NUBP1: variants seen among roughly 807,000 people sequenced by gnomAD.
NUBP1 encodes NUBP iron-sulfur cluster assembly factor 1, cytosolic, also known as cytosolic Fe-S cluster assembly factor NUBP1.
A neutral mutation model predicts 41.8 loss-of-function variants in NUBP1; 46 were observed. The ratio of observed to expected loss-of-function variants is 1.10; its 90% CI spans 0.87 to 1.41. The LOEUF is 1.41. Among genes scored for constraint, NUBP1 ranks in the 40% most tolerant of loss-of-function variants. The pLI is 0.00. For synonymous variants in NUBP1, 189 were observed against 154.6 expected, an observed-to-expected ratio of 1.22 and a Z score of -1.65; for missense variants, 494 against 414.0, an observed-to-expected ratio of 1.19 and a Z score of -1.68.
chr16:10,755,580 T>C, intron 4 of NUBP1, 141 bp from the exon 5 acceptor site: 1 of 820,614 alleles, frequency 1.2e-6, no homozygotes, highest in East Asian at 2.6e-5. Flanking sequence ...CACCTCCTTT[T>C]AGGAATTTCG....
rs770473343 is a variant in NUBP1, at chr16:10,744,055, T to C, written c.114T>C (p.Thr38=). The change falls in exon 2 of 11, where the codon ACT becomes ACC. Residue 38 remains threonine (T), a synonymous_variant. Transcript: ENST00000283027. ...TGTGCGCTTCTGGAGCGGGGGCCACTCCGGACACGGGTGAGAAAAGGGCAA... is the reference window on the plus strand; with the variant it reads ...TGTGCGCTTCTGGAGCGGGGGCCACCCCGGACACGGGTGAGAAAAGGGCAA... ...QRLCASGAGA[T]PDTAIEEIKE... The C allele has an allele frequency of 1.9e-6, 3 of 1,573,296 alleles. No homozygotes were observed. In the African/African-American group the frequency reaches 4.1e-5, roughly 22 times the overall value.
At chr16:10,755,214 G>A (rs1344501234) in intron 4 of NUBP1, among the ~76,000 whole-genome samples, 1 of 152,218 alleles carries the variant, frequency 6.6e-6, no homozygotes, top group Non-Finnish European at 1.5e-5. Flanking sequence ...TGCGCTTTGT[G>A]TGCTGCTGGA....
chr16:10,760,893 AGAAC>A (rs1349868830), intron 7 of NUBP1: 1 of 164,738 alleles, frequency 6.1e-6, no homozygotes, highest in African/African-American at 2.4e-5. Context: ...ACTGCTGTAA[AGAAC>A]TGCCTGAGAC....
At chr16:10,763,322 T>A (rs929686282) in intron 9 of NUBP1, among the ~76,000 whole-genome samples, 1 of 151,628 alleles carries the variant, frequency 6.6e-6, no homozygotes, top group African/African-American at 2.4e-5. Flanking sequence ...GAGGACAGTG[T>A]TGGGGGATGG....
chr16:10,744,386 A>G (rs529004546), intron 2 of NUBP1, among the ~76,000 whole-genome samples: 5 of 152,360 alleles, frequency 3.3e-5, no homozygotes, highest in South Asian at 2.1e-4. Context: ...TTGAGTGACA[A>G]TAACAGACCG....
intron 7 of NUBP1, chr16:10,760,909 G>A (rs576307888): frequency 1.2e-5 from 2 of 170,704 alleles, no homozygotes; most frequent in East Asian, 1.6e-4. Flanking sequence ...GCCTGAGACT[G>A]GGTAACCTAT....
chr16:10,757,804 A>G lies in NUBP1; in HGVS notation c.452-69A>G. ...ATAGCAAGACCCCATCCTTTAAAAA[A>G]AAAAGAGGGAGTTGAAAGTACAGAA... On this transcript the variant is annotated intron_variant, in intron 6 of 10. Transcript: ENST00000283027. This position sits in a 1 kb window ranked among gnomAD's most constrained non-coding sequence, Gnocchi z 4.1. The G allele has an allele frequency of 5.1e-6, 8 of 1,570,830 alleles. No individual in the cohort carries two copies. Among genetic ancestry groups the G allele is most frequent in the Non-Finnish European group, 6.9e-6 (8 of 1,152,810 alleles).
chr16:10,747,091 A>G, intron 2 of NUBP1, 52 bp from the exon 3 acceptor site: 1 of 1,605,986 alleles, frequency 6.2e-7, no homozygotes, highest in Non-Finnish European at 8.5e-7. Context: ...GAAGCGTGAC[A>G]TTCGAGGTTT....
At chr16:10,746,870 T>C (rs989666807) in intron 2 of NUBP1, among the ~76,000 whole-genome samples, 5 of 152,222 alleles carry the variant, frequency 3.3e-5, no homozygotes, top group Admixed American at 3.3e-4. Flanking sequence ...CACTGAAAGC[T>C]TCAGACAGTT....
intron 4 of NUBP1, among the ~76,000 whole-genome samples, chr16:10,755,014 C>T (rs1567257300): frequency 6.6e-6 from 1 of 152,134 alleles, no homozygotes; most frequent in Non-Finnish European, 1.5e-5. Flanking sequence ...CACTGCACTC[C>T]AGCCTGGTCG....
chr16:10,744,166 G>A, intron 2 of NUBP1, 101 bp downstream of exon 2: 4 of 1,174,144 alleles, frequency 3.4e-6, no homozygotes, highest in South Asian at 1.5e-5. Context: ...GACTGACAGC[G>A]GCAGGCTAGA....
rs2031088802 is a variant in NUBP1, at chr16:10,767,580, C to T, written c.821-369C>T. The stretch of plus-strand genomic sequence containing the variant: ...CCTTTTCGGACTTGGCCTTTTATGC[C>T]ATATCCTTTTGCATTCTGTACTTTT... On this transcript the variant is annotated intron_variant, in intron 9 of 10. Coordinates refer to ENST00000283027, the MANE Select transcript of NUBP1 (RefSeq NM_002484.4). The surrounding 1 kb of genome is among the most constrained non-coding windows in gnomAD (Gnocchi z 4.6). 2 of 452,186 alleles carry T rather than the reference C, an allele frequency of 4.4e-6. No individual in the cohort carries two copies. The highest frequency in any genetic ancestry group is 7.7e-6 in the Non-Finnish European group (2 of 258,362). 28.0% of individuals were successfully genotyped at this position (452,186 alleles called of 1,614,324 possible).
At position 10,767,660 on chromosome 16, in the gene NUBP1, A is replaced by G; in HGVS notation, c.821-289A>G. 1 of 436,366 alleles carries G rather than the reference A, an allele frequency of 2.3e-6. No homozygotes were observed. The highest frequency in any genetic ancestry group is 4.0e-5 in the Admixed American group (1 of 25,140). 27.0% of individuals were successfully genotyped at this position (436,366 alleles called of 1,614,324 possible). A position where few individuals can be genotyped will look rare whatever the true frequency, so the allele number is the denominator to read the frequency against. ...CTCAAAAGCTAATCTCTTAAAATGC[A>G]GACTCCTGGGCCCATGTGGAAGCTG... On this transcript the variant is annotated intron_variant, in intron 9 of 10. Transcript: ENST00000283027. The surrounding 1 kb of genome is among the most constrained non-coding windows in gnomAD (Gnocchi z 4.6).
chr16:10,751,296 T>A (rs1299149469), intron 3 of NUBP1, among the ~76,000 whole-genome samples: 1 of 152,132 alleles, frequency 6.6e-6, no homozygotes, highest in Non-Finnish European at 1.5e-5. Flanking sequence ...AGTGATAGTG[T>A]CATTTCCCCG....
In NUBP1 at chr16:10,768,307, AT is replaced by A. The variant is rs2031198992; in HGVS notation, c.904+276del. The A allele has an allele frequency of 5.0e-6, 1 of 200,046 alleles. No individual in the cohort carries two copies. The highest frequency in any genetic ancestry group is 9.4e-6 in the Non-Finnish European group (1 of 106,802). 12.4% of individuals were successfully genotyped at this position (200,046 alleles called of 1,614,324 possible). ...AGTAATTCATTTTTAAAAGTAACTGATAAAAAAAAAAAAGGCCAGGTGCAGT... is the reference window on the plus strand; with the variant it reads ...AGTAATTCATTTTTAAAAGTAACTGAAAAAAAAAAAAAGGCCAGGTGCAGT... On this transcript the variant is annotated intron_variant, in intron 10 of 10. Transcript: ENST00000283027. The surrounding 1 kb of genome is among the most constrained non-coding windows in gnomAD (Gnocchi z 4.3).
chr16:10,744,882 C>T (rs1327714608), intron 2 of NUBP1, among the ~76,000 whole-genome samples: 1 of 151,814 alleles, frequency 6.6e-6, no homozygotes, highest in Non-Finnish European at 1.5e-5. Flanking sequence ...CTCAGTCTCC[C>T]GAGTACCTGG....
intron 1 of NUBP1, 29 bp from the exon 2 acceptor site, chr16:10,743,932 G>T: frequency 6.3e-7 from 1 of 1,586,310 alleles, no homozygotes; most frequent in Non-Finnish European, 8.6e-7. Flanking sequence ...GTCGGGAGCT[G>T]CTCTAACTGT....
Position 10,759,732 on chromosome 16 carries a change from C to T in NUBP1, c.607-1632C>T, listed in dbSNP as rs1044855137. 1.3e-5 allele frequency among the ~76,000 whole-genome samples: 2 copies of T among 152,074 alleles called. No individual in the cohort carries two copies. The highest frequency in any genetic ancestry group is 6.5e-5 in the Admixed American group (1 of 15,268). The stretch of plus-strand genomic sequence containing the variant: ...CAGAGGTTGCAGTGAGCCGAGATCG[C>T]GCCACTGCACTCCAGCCTGGGCGAC... On this transcript the variant is annotated intron_variant, in intron 7 of 10. Transcript: ENST00000283027. The surrounding 1 kb of genome is among the most constrained non-coding windows in gnomAD (Gnocchi z 4.7).
In NUBP1 at chr16:10,768,261, T is replaced by A; in HGVS notation, c.904+229T>A. ...AGGGTGAAATTTATGGCTTAGGAAA[T>A]ACATCCCAATAAAGGGATAAAGTAA... is the stretch of plus-strand genomic sequence containing the variant. On this transcript the variant is annotated intron_variant, in intron 10 of 10. Transcript: ENST00000283027. The surrounding 1 kb of genome is among the most constrained non-coding windows in gnomAD (Gnocchi z 4.3). The A allele has an allele frequency of 2.7e-6, 1 of 365,412 alleles. No homozygotes were observed. The highest frequency in any genetic ancestry group is 4.9e-6 in the Non-Finnish European group (1 of 202,284). 22.6% of individuals were successfully genotyped at this position (365,412 alleles called of 1,614,324 possible). A position where few individuals can be genotyped will look rare whatever the true frequency, so the allele number is the denominator to read the frequency against.
Sources: allele counts gnomAD v4.1 joint callset (sites outside exome capture counted in the v4.1 genomes callset), GRCh38; gene constraint gnomAD v4.1.1; non-coding constraint Gnocchi (gnomAD v3.1); transcripts MANE v1.5; gene names NCBI Gene and HGNC (gene_info 2026-07-23, HGNC 2026-07-21).